CTNNBL1: variants seen among roughly 807,000 people sequenced by gnomAD.
The protein encoded by CTNNBL1 is catenin beta like 1.
In CTNNBL1, 31 loss-of-function variants were observed where a neutral mutation model predicts 72.7. The observed-to-expected ratio is 0.43, with a 90% confidence interval of 0.32 to 0.58. The LOEUF is 0.58. CTNNBL1 is among the 20% of genes least tolerant of loss of function. CTNNBL1 has a pLI of 0.08. For missense variants in CTNNBL1, 534 were observed against 725.1 expected, an observed-to-expected ratio of 0.74 and a Z score of 3.03; for synonymous variants, 240 against 267.3, an observed-to-expected ratio of 0.90 and a Z score of 1.00.
chr20:37,742,803 C>CTTTA (rs886308315), intron 3 of CTNNBL1, among the ~76,000 whole-genome samples: 5 of 152,028 alleles, frequency 3.3e-5, no homozygotes, highest in Admixed American at 3.3e-4. Context: ...CGTTCAATTA[C>CTTTA]TTTATTTATT....
chr20:37,737,343 G>T, intron 2 of CTNNBL1, 35 bp from the exon 3 acceptor site: 1 of 1,454,784 alleles, frequency 6.9e-7, no homozygotes, highest in South Asian at 1.2e-5. Context: ...AAACCCCTGT[G>T]GACTGAAGTT....
At chr20:37,825,278 G>A (rs950200106) in intron 11 of CTNNBL1, among the ~76,000 whole-genome samples, 4 of 152,014 alleles carry the variant, frequency 2.6e-5, no homozygotes, top group Admixed American at 6.6e-5. Flanking sequence ...GCTTGAACCT[G>A]GGAGGTGGAA....
chr20:37,786,284 G>A (rs1159673276), intron 10 of CTNNBL1, among the ~76,000 whole-genome samples: 1 of 152,124 alleles, frequency 6.6e-6, no homozygotes, highest in African/African-American at 2.4e-5. Flanking sequence ...GTTCATTCAT[G>A]GCCCAAAGGC....
At chr20:37,815,886 C>T (rs1196149282) in intron 11 of CTNNBL1, among the ~76,000 whole-genome samples, 3 of 152,140 alleles carry the variant, frequency 2.0e-5, no homozygotes, top group Non-Finnish European at 4.4e-5. Flanking sequence ...AATACAATTA[C>T]GTGTGTGAGG....
chr20:37,837,150 A>AT lies in CTNNBL1; in HGVS notation c.1214-2952_1214-2951insT, dbSNP rs1222248254. On this transcript the variant is annotated intron_variant, in intron 11 of 15. Transcript: ENST00000361383. Reference sequence around the variant, plus strand: ...TCTCGTTGGCATACACAAAGGTCAGAGCACTTTCCCTGAAGTGCATCTTCA... The same window carrying AT: ...TCTCGTTGGCATACACAAAGGTCAGATGCACTTTCCCTGAAGTGCATCTTCA... Among the ~76,000 whole-genome samples the AT allele has an allele frequency of 7.9e-5, 12 of 152,278 alleles. No homozygotes were observed. In the East Asian group the frequency reaches 2.1e-3, roughly 27 times the overall value.
At chr20:37,834,770 T>C (rs1220317968) in intron 11 of CTNNBL1, among the ~76,000 whole-genome samples, 1 of 152,210 alleles carries the variant, frequency 6.6e-6, no homozygotes, top group Non-Finnish European at 1.5e-5. Context: ...GTTCCACATT[T>C]ATAAAATGGA....
At chr20:37,752,350 A>G (rs1481047288) in intron 4 of CTNNBL1, among the ~76,000 whole-genome samples, 2 of 152,024 alleles carry the variant, frequency 1.3e-5, no homozygotes, top group African/African-American at 2.4e-5. Context: ...GAAAAAGACC[A>G]TTTTGTCTGT....
intron 11 of CTNNBL1, among the ~76,000 whole-genome samples, chr20:37,815,183 G>C (rs2072045509): frequency 1.3e-5 from 2 of 151,960 alleles, no homozygotes; most frequent in African/African-American, 4.8e-5. Flanking sequence ...GCAAGGGTGG[G>C]CATTTTAATA....
chr20:37,845,064 C>G (rs865961496), intron 13 of CTNNBL1, among the ~76,000 whole-genome samples: 1 of 152,228 alleles, frequency 6.6e-6, no homozygotes, highest in Non-Finnish European at 1.5e-5. Flanking sequence ...CTAGAATTTC[C>G]TAGCTTCCTT....
chr20:37,813,928 G>T (rs374058419), intron 11 of CTNNBL1, among the ~76,000 whole-genome samples: 1 of 152,184 alleles, frequency 6.6e-6, no homozygotes. Flanking sequence ...ACTGAGATAT[G>T]CTTCCTAATG....
Position 37,860,000 on chromosome 20 carries a change from C to T in CTNNBL1, c.1494C>T (p.Tyr498=). The T allele has an allele frequency of 1.9e-6, 3 of 1,614,070 alleles. No individual in the cohort carries two copies. In the South Asian group the frequency reaches 3.3e-5, roughly 18 times the overall value. The change falls in exon 14 of 16, where the codon TAC becomes TAT. Residue 498 remains tyrosine, a synonymous_variant. Transcript: ENST00000361383. ...TCTTTGTTCTCCAGCACATCTGCTA[C>T]ATCATGGCCGAGATCTGCAATGCCA... ...AGLFVLQHIC[Y]IMAEICNANV...
At chr20:37,817,389 A>G (rs958800025) in intron 11 of CTNNBL1, among the ~76,000 whole-genome samples, 22 of 152,238 alleles carry the variant, frequency 1.4e-4, no homozygotes, top group African/African-American at 5.1e-4. Flanking sequence ...TTATTCTTCA[A>G]TTTTGAAATA....
chr20:37,796,929 A>C (rs1250326843), intron 10 of CTNNBL1, among the ~76,000 whole-genome samples: 7 of 152,166 alleles, frequency 4.6e-5, no homozygotes, highest in Admixed American at 4.6e-4. Flanking sequence ...GGCTGTGCAC[A>C]GTCACATGGC....
chr20:37,807,806 C>G (rs1164926002), intron 11 of CTNNBL1, among the ~76,000 whole-genome samples: 2 of 152,120 alleles, frequency 1.3e-5, no homozygotes, highest in Non-Finnish European at 2.9e-5. Context: ...CTTGGGTGCA[C>G]TAGCATGATT....
At chr20:37,871,842 G>C in intron 15 of CTNNBL1, 83 bp from the exon 16 acceptor site, 1 of 1,221,918 alleles carries the variant, frequency 8.2e-7, no homozygotes, top group Non-Finnish European at 1.2e-6. Flanking sequence ...GGGAGCTGGG[G>C]TTCTGGGAAA....
At chr20:37,713,794 G>A (rs1443650795) in intron 1 of CTNNBL1, among the ~76,000 whole-genome samples, 4 of 152,042 alleles carry the variant, frequency 2.6e-5, no homozygotes, top group South Asian at 4.1e-4. Context: ...AAGAATATAC[G>A]TTTTCTCCTT....
chr20:37,746,093 A>T (rs1248728211), intron 3 of CTNNBL1, among the ~76,000 whole-genome samples: 2 of 152,072 alleles, frequency 1.3e-5, no homozygotes, highest in Non-Finnish European at 2.9e-5. Flanking sequence ...CCCTTTTTGG[A>T]TGGGTAGTAG....
intron 1 of CTNNBL1, among the ~76,000 whole-genome samples, chr20:37,706,649 G>A (rs73290825): frequency 4.3e-4 from 65 of 152,258 alleles, no homozygotes; most frequent in African/African-American, 1.5e-3. Flanking sequence ...AGACATCCAC[G>A]AGGATTGGAA....
At chr20:37,720,462 A>G (rs969805581) in intron 1 of CTNNBL1, among the ~76,000 whole-genome samples, 2 of 152,198 alleles carry the variant, frequency 1.3e-5, no homozygotes, top group Admixed American at 1.3e-4. Flanking sequence ...CATGGCCTAT[A>G]CAACTTAAAA....
Sources: gnomAD v4.1 joint callset for allele counts (sites outside exome capture counted in the v4.1 genomes callset) on GRCh38, gnomAD v4.1.1 for gene constraint, MANE v1.5 for transcripts, NCBI Gene and HGNC (gene_info 2026-07-23, HGNC 2026-07-21) for gene names.